Variants in NUP188 observed in about 807,000 individuals in gnomAD.
The protein encoded by NUP188 is nucleoporin NUP188.
NUP188 carries 97 observed loss-of-function variants against 223.0 expected under a neutral mutation model. That is an observed-to-expected ratio of 0.43 (90% confidence interval 0.37 to 0.51). The LOEUF is 0.51. NUP188 is among the 20% of genes least tolerant of loss of function. The pLI is 0.00. For missense variants in NUP188, 1,947 were observed against 2,175.6 expected, an observed-to-expected ratio of 0.89 and a Z score of 2.09; for synonymous variants, 869 against 828.0, an observed-to-expected ratio of 1.05 and a Z score of -0.85.
chr9:128,998,391 G>T, intron 31 of NUP188, 147 bp from the exon 32 acceptor site: 1 of 950,658 alleles, frequency 1.1e-6, no homozygotes, highest in Non-Finnish European at 1.7e-6. Context: ...GAGCTCTGCT[G>T]CTGCCATGCC....
At chr9:128,980,791 T>C in intron 14 of NUP188, 66 bp downstream of exon 14, 2 of 1,552,886 alleles carry the variant, frequency 1.3e-6, no homozygotes, top group Middle Eastern at 1.7e-4. Context: ...ATTAGGAATC[T>C]TTTTTGCTTT....
chr9:129,005,624 G>A (rs754928410), intron 40 of NUP188, 21 bp from the exon 41 acceptor site: 9 of 1,612,370 alleles, frequency 5.6e-6, no homozygotes, highest in Non-Finnish European at 7.6e-6. Flanking sequence ...GGTCCTGGAT[G>A]GCTCTTGTCT....
chr9:128,976,764 T>G (rs1293760120), intron 12 of NUP188, among the ~76,000 whole-genome samples: 1 of 151,902 alleles, frequency 6.6e-6, no homozygotes, highest in East Asian at 1.9e-4. Context: ...GACCTGACCT[T>G]ACACCTGGAG....
intron 34 of NUP188, among the ~76,000 whole-genome samples, 155 bp from the exon 35 acceptor site, chr9:129,001,374 C>A (rs1208653977): frequency 6.6e-6 from 1 of 152,088 alleles, no homozygotes; most frequent in African/African-American, 2.4e-5. Flanking sequence ...AGGAGAGGGG[C>A]AGGGTGGGAG....
chr9:128,947,790 C>T, intron 1 of NUP188, 39 bp downstream of exon 1: 1 of 1,369,652 alleles, frequency 7.3e-7, no homozygotes, highest in Non-Finnish European at 9.4e-7. Flanking sequence ...GGCTGTGAAG[C>T]GCGGTGTCAA....
At position 128,984,124 on chromosome 9, in the gene NUP188, A is replaced by ATTTTTTTTTTTTTTTTTTTTTTTTTTT. The variant is rs1193631566; in HGVS notation, c.1961+593_1961+594insTTTTTTTTTTTTTTTTTTTTTTTTTTT. On this transcript the variant is annotated intron_variant, in intron 19 of 43. Transcript: ENST00000372577. ...GGCGTGAGCCACCGCGCCTGGCCTG[A>ATTTTTTTTTTTTTTTTTTTTTTTTTTT]TTTTTTTTTTTTTTTTTTTGAGATG... Among the ~76,000 whole-genome samples the ATTTTTTTTTTTTTTTTTTTTTTTTTTT allele has an allele frequency of 3.2e-4, 30 of 93,040 alleles. 4 individuals carry two copies. The highest frequency in any genetic ancestry group is 1.3e-3 in the East Asian group (4 of 2,964). 61.0% of individuals were successfully genotyped at this position (93,040 alleles called of 152,430 possible).
intron 20 of NUP188, 86 bp from the exon 21 acceptor site, chr9:128,986,472 A>G: frequency 7.1e-7 from 1 of 1,406,256 alleles, no homozygotes; most frequent in South Asian, 1.3e-5. Context: ...CTTTGGACCT[A>G]TCTATGGTTT....
intron 3 of NUP188, among the ~76,000 whole-genome samples, chr9:128,954,838 C>T (rs1207029029): frequency 6.7e-6 from 1 of 150,330 alleles, no homozygotes; most frequent in African/African-American, 2.4e-5. Flanking sequence ...GAAAAATACA[C>T]AGAGGTGAGG....
intron 1 of NUP188, chr9:128,948,388 A>G (rs1477648723): frequency 6.6e-6 from 1 of 152,182 alleles, no homozygotes; most frequent in Non-Finnish European, 1.5e-5. Flanking sequence ...AATATTATAT[A>G]CGAAAACTAC....
In NUP188 at chr9:128,999,193, A is replaced by C; in HGVS notation, c.3537A>C (p.Glu1179Asp). 1 of 1,614,072 alleles carries C rather than the reference A, an allele frequency of 6.2e-7. No homozygotes were observed. The highest frequency in any genetic ancestry group is 1.1e-5 in the South Asian group (1 of 91,078). ...QWKRELGSVD[E>D]ILGPLTEILE... ...CTAGAGAGTTAGGTTCTGTGGATGA[A>C]ATCCTTGGACCCTTGACGGAGATCC... Residue 1179 changes from glutamate (E) to aspartate (D), a missense_variant, in exon 33 of 44, where the codon GAA (glutamate) becomes GAC (aspartate). By Grantham distance (45) the Glu-to-Asp change is conservative (BLOSUM62 2). Around this residue, in one of 3 missense-constraint regions of NUP188, gnomAD observed 905 missense variants for 990.6 expected, o/e 0.91. Coordinates refer to ENST00000372577, the MANE Select transcript of NUP188 (RefSeq NM_015354.3).
rs541710597 is a variant in NUP188, at chr9:128,962,405, C to A, written c.585+3271C>A. Among the ~76,000 whole-genome samples, 9 of 152,130 alleles carry A rather than the reference C, an allele frequency of 5.9e-5. No individual in the cohort carries two copies. In the South Asian group the frequency reaches 1.2e-3, roughly 21 times the overall value. On this transcript the variant is annotated intron_variant, in intron 8 of 43. Transcript: ENST00000372577. ...CTGGGACTGCAGGCGCCCACCACCA[C>A]GCCCAATTAATTTTTTTGTATTTTT...
chr9:128,995,239 C>T lies in NUP188; in HGVS notation c.3156-80C>T, dbSNP rs142478168. On this transcript the variant is annotated intron_variant, in intron 29 of 43. Transcript: ENST00000372577. ...TTAAGCCCATGCAAGGTCGTTTTCT[C>T]TGCCTCAACAAGGGTCTGTACCCAT... 24 of 1,211,362 alleles carry T rather than the reference C, an allele frequency of 2.0e-5. No homozygotes were observed. The African/African-American group carries it at 2.7e-4, about 14-fold the overall frequency. 75.0% of individuals were successfully genotyped at this position (1,211,362 alleles called of 1,614,324 possible).
chr9:128,953,513 C>T (rs1841825206), intron 3 of NUP188, among the ~76,000 whole-genome samples: 2 of 152,018 alleles, frequency 1.3e-5, no homozygotes, highest in African/African-American at 4.8e-5. Flanking sequence ...ACATCTTTAC[C>T]TTCCATTTTC....
chr9:128,986,847 C>T lies in NUP188; in HGVS notation c.2236C>T (p.Leu746=), dbSNP rs1842340475. 1 of 1,614,006 alleles carries T rather than the reference C, an allele frequency of 6.2e-7. No individual in the cohort carries two copies. The highest frequency in any genetic ancestry group is 1.3e-5 in the African/African-American group (1 of 74,902). Residue 746 remains leucine (L), a synonymous_variant, in exon 22 of 44, where the codon CTG becomes TTG. Coordinates refer to ENST00000372577, the MANE Select transcript of NUP188 (RefSeq NM_015354.3). ...ILELIHAILN[L]CHETDLHSSH... ...GGAGCTGATTCATGCGATACTGAAC[C>T]TGTGCCACGAGACAGACCTGCACAG...
chr9:129,005,374 T>C lies in NUP188; in HGVS notation c.4581T>C (p.Ala1527=), dbSNP rs1842766872. 2 of 1,613,488 alleles carry C rather than the reference T, an allele frequency of 1.2e-6. No homozygotes were observed. Among genetic ancestry groups the C allele is most frequent in the Non-Finnish European group, 1.7e-6 (2 of 1,180,052 alleles). ...RVQRPPSAAS[A]APSSSKQPAA... ...AGAGGCCACCGTCTGCTGCTTCTGC[T>C]GCCCCCTCCTCCTCAAAGCAGCCCG... The change falls in exon 40 of 44, where the codon GCT becomes GCC. Residue 1527 remains alanine, a synonymous_variant. Transcript: ENST00000372577.
chr9:128,947,814 C>G, intron 1 of NUP188, 63 bp downstream of exon 1: 1 of 1,313,218 alleles, frequency 7.6e-7, no homozygotes, highest in Non-Finnish European at 9.8e-7. Context: ...CGAGCGGAAG[C>G]GGGGCGGGAA....
intron 9 of NUP188, 65 bp from the exon 10 acceptor site, chr9:128,969,335 C>T (rs928492594): frequency 1.0e-5 from 10 of 1,003,996 alleles, no homozygotes; most frequent in Middle Eastern, 2.1e-4. Flanking sequence ...TCTTATATCT[C>T]ACCTTTGTCT....
chr9:128,986,325 C>T (rs1046166915), intron 20 of NUP188, among the ~76,000 whole-genome samples: 5 of 152,100 alleles, frequency 3.3e-5, no homozygotes, highest in African/African-American at 1.2e-4. Context: ...CCCTTTTCTT[C>T]GTGTTGGTGC....
At chr9:128,969,121 C>G (rs1487045584) in intron 9 of NUP188, among the ~76,000 whole-genome samples, 1 of 152,122 alleles carries the variant, frequency 6.6e-6, no homozygotes, top group Non-Finnish European at 1.5e-5. Flanking sequence ...ATATCCATAA[C>G]TGGGGGCCTG....
Sources: gnomAD v4.1 joint callset for allele counts (sites outside exome capture counted in the v4.1 genomes callset) on GRCh38, gnomAD v4.1.1 for gene constraint, gnomAD v4.1.1 regional missense constraint, MANE v1.5 for transcripts, NCBI Gene and HGNC (gene_info 2026-07-23, HGNC 2026-07-21) for gene names.